ATRNL1: variants seen among roughly 807,000 people sequenced by gnomAD.
The protein encoded by ATRNL1 is attractin-like protein 1.
A neutral mutation model predicts 182.7 loss-of-function variants in ATRNL1; 95 were observed. The ratio of observed to expected loss-of-function variants is 0.52; its 90% CI spans 0.44 to 0.62. The LOEUF (loss-of-function observed/expected upper bound fraction) is 0.62. Among genes scored for constraint, ATRNL1 ranks in the 20% least tolerant of loss-of-function variants. The probability of loss-of-function intolerance (pLI) is 0.00; values close to 1 mark genes in which losing one functional copy is unlikely to be tolerated. For missense variants in ATRNL1, 1,471 were observed against 1,679.5 expected (o/e 0.88, Z 2.17); for synonymous variants, 576 against 568.3 (o/e 1.01, Z -0.19).
chr10:115,642,850 T>G (rs2133861071), intron 26 of ATRNL1, among the ~76,000 whole-genome samples: 1 of 152,266 alleles, frequency 6.6e-6, no homozygotes, highest in African/African-American at 2.4e-5. Context: ...AGTTGGAGGA[T>G]TGGTAACACT....
At chr10:115,307,201 C>G (rs1853777810) in intron 17 of ATRNL1, among the ~76,000 whole-genome samples, 2 of 152,110 alleles carry the variant, frequency 1.3e-5, no homozygotes, top group African/African-American at 4.8e-5. Flanking sequence ...GTGTATAGAT[C>G]ATTTGTGCTG....
chr10:115,851,197 G>T (rs1555100436), intron 28 of ATRNL1, among the ~76,000 whole-genome samples: 1 of 151,962 alleles, frequency 6.6e-6, no homozygotes, highest in East Asian at 1.9e-4. Context: ...CCGTTGGCAT[G>T]AATAAGAGCA....
chr10:115,145,886 G>A (rs1271121238), intron 5 of ATRNL1, among the ~76,000 whole-genome samples: 11 of 152,082 alleles, frequency 7.2e-5, no homozygotes, highest in Admixed American at 1.3e-4. Context: ...CCAGGTACCT[G>A]TCTATTCTAA....
At chr10:115,631,370 TA>T (rs1555026356) in intron 26 of ATRNL1, among the ~76,000 whole-genome samples, 1 of 151,998 alleles carries the variant, frequency 6.6e-6, no homozygotes, top group East Asian at 1.9e-4. Context: ...AATAATTAAA[TA>T]AATAGAGAGC....
chr10:115,172,482 T>C (rs1461619618), intron 8 of ATRNL1, among the ~76,000 whole-genome samples: 1 of 152,152 alleles, frequency 6.6e-6, no homozygotes, highest in East Asian at 1.9e-4. Context: ...TTCTCCTACC[T>C]GGCCTGTCAA....
chr10:115,874,319 C>G lies in ATRNL1; in HGVS notation c.4018+26328C>G, dbSNP rs577385730. ...TGCCCTGCCTCTCCATTGCAGTTTC[C>G]GTTCTCACACTGACCAATACTAATT... On this transcript the variant is annotated intron_variant, in intron 28 of 28. Coordinates refer to ENST00000355044, the MANE Select transcript of ATRNL1 (RefSeq NM_207303.4). Among the ~76,000 whole-genome samples the G allele has an allele frequency of 1.3e-5, 2 of 152,304 alleles. 1 individual carries two copies. The highest frequency in any genetic ancestry group is 4.1e-4 in the South Asian group (2 of 4,820).
intron 24 of ATRNL1, among the ~76,000 whole-genome samples, chr10:115,471,191 A>G (rs544048459): frequency 6.6e-6 from 1 of 150,940 alleles, no homozygotes; most frequent in African/African-American, 2.4e-5. Context: ...AAATATATAC[A>G]TATTATGAAT....
chr10:115,100,651 T>C (rs1182690424), intron 1 of ATRNL1, among the ~76,000 whole-genome samples: 1 of 152,206 alleles, frequency 6.6e-6, no homozygotes, highest in Admixed American at 6.5e-5. Context: ...GATTATTGTT[T>C]CTTTGTAAGT....
At chr10:115,619,623 T>C (rs782293867) in intron 26 of ATRNL1, among the ~76,000 whole-genome samples, 42 of 152,224 alleles carry the variant, frequency 2.8e-4, no homozygotes, top group Non-Finnish European at 4.6e-4. Flanking sequence ...AATTTAAAAG[T>C]ATAGAATTTT....
At chr10:115,407,608 T>C (rs1003807370) in intron 20 of ATRNL1, among the ~76,000 whole-genome samples, 21 of 152,204 alleles carry the variant, frequency 1.4e-4, no homozygotes, top group Non-Finnish European at 1.5e-4. Context: ...GTATATATCC[T>C]ACATTTCCTT....
chr10:115,558,426 C>T (rs1045525657), intron 26 of ATRNL1, among the ~76,000 whole-genome samples: 3 of 152,154 alleles, frequency 2.0e-5, no homozygotes, highest in Admixed American at 6.5e-5. Flanking sequence ...GGTGAATTGG[C>T]AGCCCATGCA....
chr10:115,532,346 TC>T (rs1851647216), intron 25 of ATRNL1, among the ~76,000 whole-genome samples: 1 of 152,186 alleles, frequency 6.6e-6, no homozygotes, highest in Non-Finnish European at 1.5e-5. Context: ...GTCCTTCACA[TC>T]CCTTGTAAGT....
chr10:115,260,524 G>A (rs1411813341), intron 10 of ATRNL1, among the ~76,000 whole-genome samples: 2 of 152,094 alleles, frequency 1.3e-5, no homozygotes, highest in Non-Finnish European at 2.9e-5. Context: ...CTCTGGTGGT[G>A]CCTCACTCTT....
At chr10:115,350,921 T>C (rs1257626395) in intron 19 of ATRNL1, among the ~76,000 whole-genome samples, 2 of 152,162 alleles carry the variant, frequency 1.3e-5, no homozygotes, top group African/African-American at 4.8e-5. Context: ...ATTTTCTTTT[T>C]TGTGTCCTTT....
At chr10:115,682,569 A>C (rs1284044740) in intron 26 of ATRNL1, among the ~76,000 whole-genome samples, 2 of 152,110 alleles carry the variant, frequency 1.3e-5, no homozygotes, top group East Asian at 3.9e-4. Context: ...AACAAAAAGG[A>C]ATATGTACTT....
intron 26 of ATRNL1, among the ~76,000 whole-genome samples, chr10:115,697,596 G>T (rs1946604372): frequency 6.6e-6 from 1 of 152,008 alleles, no homozygotes; most frequent in East Asian, 1.9e-4. Flanking sequence ...AAAGTGTTAG[G>T]ATTACAGGCA....
chr10:115,110,831 A>G (rs1168602059), intron 1 of ATRNL1, among the ~76,000 whole-genome samples: 1 of 152,196 alleles, frequency 6.6e-6, no homozygotes, highest in African/African-American at 2.4e-5. Flanking sequence ...GGTGATTGTC[A>G]TTTATTAATT....
chr10:115,528,306 G>C (rs1851369699), intron 25 of ATRNL1, among the ~76,000 whole-genome samples: 1 of 151,828 alleles, frequency 6.6e-6, no homozygotes, highest in Non-Finnish European at 1.5e-5. Flanking sequence ...CTCCTTACTG[G>C]TTATAAATCT....
At chr10:115,285,281 T>G (rs1554918287) in intron 14 of ATRNL1, among the ~76,000 whole-genome samples, 1 of 152,124 alleles carries the variant, frequency 6.6e-6, no homozygotes, top group Non-Finnish European at 1.5e-5. Flanking sequence ...AGATATAGCA[T>G]GCATAAAGAG....
Sources: gnomAD v4.1 joint callset for allele counts (sites outside exome capture counted in the v4.1 genomes callset) on GRCh38, gnomAD v4.1.1 for gene constraint, MANE v1.5 for transcripts, NCBI Gene and HGNC (gene_info 2026-07-23, HGNC 2026-07-21) for gene names.